SLC26A8: variants seen among roughly 807,000 people sequenced by gnomAD.
SLC26A8 encodes solute carrier family 26 member 8.
A neutral mutation model predicts 105.0 loss-of-function variants in SLC26A8; 70 were observed. The observed-to-expected ratio is 0.67, with a 90% CI of 0.55 to 0.81. SLC26A8 has a LOEUF of 0.81. SLC26A8 is among the 40% of genes least tolerant of loss of function. The probability of loss-of-function intolerance (pLI) is 0.00; values close to 1 mark genes in which losing one functional copy is unlikely to be tolerated. For synonymous variants in SLC26A8, 415 were observed against 438.3 expected (o/e 0.95, Z 0.66); for missense variants, 998 against 1,181.8 (o/e 0.84, Z 2.28).
chr6:36,006,689 T>G (rs1761697460), intron 3 of SLC26A8, among the ~76,000 whole-genome samples: 1 of 152,200 alleles, frequency 6.6e-6, no homozygotes, highest in African/African-American at 2.4e-5. Context: ...ATTTTATTCA[T>G]AGAAATAAAG....
rs569466617 is a variant in SLC26A8 at position 35,979,636 on chromosome 6, C to A, written c.1026-2285G>T. Among the ~76,000 whole-genome samples, 3 of 152,220 alleles carry A rather than the reference C, an allele frequency of 2.0e-5. No individual in the cohort carries two copies. In the East Asian group the frequency reaches 5.8e-4, roughly 29 times the overall value. On this transcript the variant is annotated intron_variant, in intron 8 of 19. Transcript: ENST00000490799. ...AGAAGCTAGGTAAGAATGAGGCTGT[C>A]CCAAAGAGGTACACAGTAAATGTAA...
chr6:36,022,734 A>T (rs1762156075), intron 1 of SLC26A8, among the ~76,000 whole-genome samples: 1 of 151,586 alleles, frequency 6.6e-6, no homozygotes, highest in Admixed American at 6.6e-5. Context: ...TTTCCTTATT[A>T]TTTTTTTTAA....
intron 6 of SLC26A8, 75 bp from the exon 7 acceptor site, chr6:35,991,883 A>G (rs1375502173): frequency 1.4e-6 from 2 of 1,395,684 alleles, no homozygotes; most frequent in Admixed American, 5.3e-5. Context: ...GACACTGTAG[A>G]TTAACCCAAA....
intron 19 of SLC26A8, among the ~76,000 whole-genome samples, chr6:35,950,903 G>T (rs1771844158): frequency 6.6e-6 from 1 of 152,190 alleles, no homozygotes; most frequent in Non-Finnish European, 1.5e-5. Flanking sequence ...CCTCTCTTCA[G>T]TTAGGGAAAT....
chr6:35,982,069 A>G lies in SLC26A8; in HGVS notation c.1025+52T>C. The G allele has an allele frequency of 2.6e-6, 4 of 1,561,012 alleles. No homozygotes were observed. The South Asian group carries it at 4.5e-5, about 17-fold the overall frequency. On this transcript the variant is annotated intron_variant, in intron 8 of 19. Coordinates refer to ENST00000490799, the MANE Select transcript of SLC26A8 (RefSeq NM_052961.4). ...CAATCAGGCTGTGTGGTCAGAGGCTAAGAGAGGGTATCAGAAAGAGAAAAG... is the reference window on the plus strand; with the variant it reads ...CAATCAGGCTGTGTGGTCAGAGGCTGAGAGAGGGTATCAGAAAGAGAAAAG...
At chr6:36,016,617 G>T in intron 2 of SLC26A8, among the ~76,000 whole-genome samples, 1 of 152,064 alleles carries the variant, frequency 6.6e-6, no homozygotes, top group South Asian at 2.1e-4. Context: ...TTGATATTTA[G>T]ATAACTGTAT....
At chr6:36,008,262 C>T (rs748944415) in intron 3 of SLC26A8, among the ~76,000 whole-genome samples, 1 of 152,140 alleles carries the variant, frequency 6.6e-6, no homozygotes, top group African/African-American at 2.4e-5. Flanking sequence ...CCACTGCACT[C>T]CTGCCTGGGT....
chr6:35,999,522 A>G (rs1163777816), intron 4 of SLC26A8, among the ~76,000 whole-genome samples: 1 of 152,346 alleles, frequency 6.6e-6, no homozygotes, highest in East Asian at 1.9e-4. Context: ...CTTTTGACTC[A>G]GGGAAGGGAA....
intron 19 of SLC26A8, among the ~76,000 whole-genome samples, chr6:35,949,414 A>G (rs1239136221): frequency 6.6e-6 from 1 of 152,148 alleles, no homozygotes; most frequent in Non-Finnish European, 1.5e-5. Context: ...CCTGGGTGAC[A>G]GAATGAGACT....
At position 36,019,679 on chromosome 6, in the gene SLC26A8, G is replaced by A; in HGVS notation, c.29C>T (p.Ser10Phe). 1 of 1,613,922 alleles carries A rather than the reference G, an allele frequency of 6.2e-7. No individual in the cohort carries two copies. Among genetic ancestry groups the A allele is most frequent in the Non-Finnish European group, 8.5e-7 (1 of 1,179,862 alleles). MAQLERSAI[S>F]GFSSKSRRNS... is the part of the protein sequence containing the mutation. ...TCGCCTGGACTTAGAGCTGAAGCCA[G>A]AGATGGCGCTCCTCTCTAGTTGTGC... is the stretch of plus-strand genomic sequence containing the variant. Residue 10 changes from serine (S) to phenylalanine (F), a missense_variant, in exon 2 of 20, where the codon TCT becomes TTT. Ser to Phe is a radical substitution (Grantham distance 155). Transcript: ENST00000490799.
At chr6:36,001,273 C>T (rs989116039) in intron 3 of SLC26A8, among the ~76,000 whole-genome samples, 3 of 152,078 alleles carry the variant, frequency 2.0e-5, no homozygotes, top group Non-Finnish European at 4.4e-5. Flanking sequence ...GAACTACAGG[C>T]GCCCACCACC....
intron 6 of SLC26A8, among the ~76,000 whole-genome samples, chr6:35,992,034 G>T (rs1187519138): frequency 6.6e-6 from 1 of 152,130 alleles, no homozygotes; most frequent in African/African-American, 2.4e-5. Flanking sequence ...AGAATACACT[G>T]TATGTTTTAG....
At chr6:35,962,721 G>T in intron 11 of SLC26A8, 100 bp from the exon 12 acceptor site, 1 of 1,029,856 alleles carries the variant, frequency 9.7e-7, no homozygotes, top group Non-Finnish European at 1.5e-6. Flanking sequence ...GCCACTTTGA[G>T]ATATTTTGCA....
intron 4 of SLC26A8, among the ~76,000 whole-genome samples, 175 bp from the exon 5 acceptor site, chr6:35,998,094 T>G (rs1019998191): frequency 6.6e-6 from 1 of 152,222 alleles, no homozygotes; most frequent in African/African-American, 2.4e-5. Flanking sequence ...TCTCCACATA[T>G]TGTGACCAAC....
intron 2 of SLC26A8, among the ~76,000 whole-genome samples, chr6:36,018,384 T>C (rs975612842): frequency 6.6e-6 from 1 of 152,192 alleles, no homozygotes; most frequent in African/African-American, 2.4e-5. Context: ...TTGAAAACAT[T>C]ATGCTAAGTG....
rs1449356689 is a variant in SLC26A8 at position 35,977,206 on chromosome 6, G to T, written c.1171C>A (p.Gln391Lys). 7.4e-6 allele frequency: 12 copies of T among 1,613,238 alleles called. No homozygotes were observed. The highest frequency in any genetic ancestry group is 1.0e-5 in the Non-Finnish European group (12 of 1,179,718). Residue 391 changes from glutamine (Q) to lysine (K), a missense_variant and splice_region_variant, in exon 9 of 20, where the codon CAG (glutamine) becomes AAG (lysine). Physicochemically the swap from Gln to Lys is moderately conservative, Grantham distance 53. Coordinates refer to ENST00000490799, the MANE Select transcript of SLC26A8 (RefSeq NM_052961.4). ...AGAGGAAGTAGTAGTCCTCTCACCT[G>T]GTTGGAATTGACACTGTAATTGTGA... ...SLHNYSVNSN[Q>K]DLIAIGLCNV...
intron 7 of SLC26A8, among the ~76,000 whole-genome samples, chr6:35,990,893 A>C (rs1309394123): frequency 6.6e-6 from 1 of 152,154 alleles, no homozygotes; most frequent in Non-Finnish European, 1.5e-5. Flanking sequence ...TATTTCTTTC[A>C]TAAGGGGAAA....
intron 7 of SLC26A8, among the ~76,000 whole-genome samples, chr6:35,984,600 A>C (rs1026973682): frequency 1.3e-5 from 2 of 152,146 alleles, no homozygotes; most frequent in African/African-American, 4.8e-5. Context: ...CTGGGATTAC[A>C]AGGGTGAGAC....
chr6:35,948,458 G>A (rs1018124062), intron 19 of SLC26A8, among the ~76,000 whole-genome samples: 4 of 152,016 alleles, frequency 2.6e-5, no homozygotes, highest in Non-Finnish European at 5.9e-5. Context: ...GTGTGGTGGC[G>A]CATGCCTGTA....
Sources: gnomAD v4.1 joint callset for allele counts (sites outside exome capture counted in the v4.1 genomes callset) on GRCh38, gnomAD v4.1.1 for gene constraint, MANE v1.5 for transcripts, NCBI Gene and HGNC (gene_info 2026-07-23, HGNC 2026-07-21) for gene names.